NKPD1: variants seen among roughly 807,000 people sequenced by gnomAD.
NKPD1 encodes the protein NTPase KAP family P-loop domain containing 1.
A neutral mutation model predicts 42.2 loss-of-function variants in NKPD1; 37 were observed. The observed-to-expected ratio is 0.88, with a 90% CI of 0.67 to 1.15. The LOEUF (loss-of-function observed/expected upper bound fraction) is 1.15. NKPD1 is among the 50% of genes most tolerant of loss of function. The pLI, the probability that NKPD1 is intolerant of heterozygous loss-of-function variation, is 0.00. For synonymous variants in NKPD1, 552 were observed against 536.5 expected, an observed-to-expected ratio of 1.03 and a Z score of -0.40; for missense variants, 1,113 against 1,174.6, an observed-to-expected ratio of 0.95 and a Z score of 0.77.
At position 45,155,861 on chromosome 19, in the gene NKPD1, G is replaced by A. The variant is rs1457232495; in HGVS notation, c.585C>T (p.His195=). The change falls in exon 4 of 5, where the codon CAC becomes CAT. Residue 195 remains histidine, a synonymous_variant. Coordinates refer to ENST00000686631, the MANE Select transcript of NKPD1 (RefSeq NM_198478.4). ...YCSCLAKTLC[H]VPVPVTVGFY... is the part of the protein sequence containing the mutation. ...AACCCACGGTCACAGGGACCGGCAC[G>A]TGGCAGAGTGTCTTGGCCAGGCAGC... 5 of 1,305,258 alleles carry A rather than the reference G, an allele frequency of 3.8e-6. No homozygotes were observed. Among genetic ancestry groups the A allele is most frequent in the Admixed American group, 4.6e-5 (2 of 43,558 alleles). The allele number at this position is 1,305,258 out of a possible 1,614,324, so 80.9% of individuals were successfully genotyped here. A position where few individuals can be genotyped will look rare whatever the true frequency, so the allele number is the denominator to read the frequency against.
chr19:45,152,307 GT>G lies in NKPD1; in HGVS notation c.2129del (p.Asn710ThrfsTer166). ...CGGGGTCGCCGTCCAGGTCGAGCAC[GT>G]TCTGCAACGCCTTGGTCATGGTGTG... ...ELHTMTKALQ[N>X]VLDLDGDPEL... On this transcript the variant is annotated frameshift_variant, in exon 5 of 5. Coordinates refer to ENST00000686631, the MANE Select transcript of NKPD1 (RefSeq NM_198478.4). LOFTEE classifies it low-confidence loss of function (END_TRUNC). 1 of 1,610,866 alleles carries G rather than the reference GT, an allele frequency of 6.2e-7. No homozygotes were observed. Among genetic ancestry groups the G allele is most frequent in the Non-Finnish European group, 8.5e-7 (1 of 1,178,974 alleles).
At position 45,152,716 on chromosome 19, in the gene NKPD1, AGCAGCTGCGCGCTCTCGCCCCCG is replaced by A; in HGVS notation, c.1698_1720del (p.Glu569AlafsTer278). ...CGTCCCCGCCTGCGCCTGCACCGCC[AGCAGCTGCGCGCTCTCGCCCCCG>A]GCGTCCCCCGGCAGCCACGGCTTGC... On this transcript the variant is annotated frameshift_variant, in exon 5 of 5. Transcript: ENST00000686631. LOFTEE classifies it low-confidence loss of function (END_TRUNC). 3 of 1,568,562 alleles carry A rather than the reference AGCAGCTGCGCGCTCTCGCCCCCG, an allele frequency of 1.9e-6. No homozygotes were observed. Among genetic ancestry groups the A allele is most frequent in the Non-Finnish European group, 2.6e-6 (3 of 1,161,828 alleles).
Position 45,152,033 on chromosome 19 carries a change from C to A in NKPD1, c.2404G>T (p.Gly802Cys). Residue 802 changes from glycine to cysteine, a missense_variant, in exon 5 of 5, where the codon GGC becomes TGC. Coordinates refer to ENST00000686631, the MANE Select transcript of NKPD1 (RefSeq NM_198478.4). ...TGGGCCAAGTCCCCAGTGTGGTGGC[C>A]TTCGCCGGCTTGCCCTGAGGCACGG... is the stretch of plus-strand genomic sequence containing the variant. ...SGRASGQAGE[G>C]HHTGDLAHRG... The A allele has an allele frequency of 6.2e-7, 1 of 1,609,760 alleles. No homozygotes were observed. Among genetic ancestry groups the A allele is most frequent in the Non-Finnish European group, 8.5e-7 (1 of 1,178,554 alleles).
Position 45,158,701 on chromosome 19 carries a change from G to A in NKPD1, c.491C>T (p.Ala164Val). The change falls in exon 3 of 5, where the codon GCC becomes GTC. Residue 164 changes from alanine (A) to valine (V), a missense_variant. Physicochemically the swap from Ala to Val is moderately conservative, Grantham distance 64. This residue lies in a region of NKPD1 where 204 missense variants were observed against 227.8 expected (regional missense o/e 0.90). Coordinates refer to ENST00000686631, the MANE Select transcript of NKPD1 (RefSeq NM_198478.4). This position sits in a 1 kb window ranked among gnomAD's most constrained non-coding sequence, Gnocchi z 4.6. ...AGTGAAGGAGCCACAGGCCGCTGGGGCGGGCAGGGGCCGGGCATCAGTGGG... is the reference window on the plus strand; with the variant it reads ...AGTGAAGGAGCCACAGGCCGCTGGGACGGGCAGGGGCCGGGCATCAGTGGG... ...SEPTDARPLP[A>V]PAACGSFTAY... 8.4e-7 allele frequency: 1 copy of A among 1,191,460 alleles called. No individual in the cohort carries two copies. Among genetic ancestry groups the A allele is most frequent in the Non-Finnish European group, 1.1e-6 (1 of 939,544 alleles). The allele number at this position is 1,191,460 out of a possible 1,614,324, so 73.8% of individuals were successfully genotyped here.
Position 45,155,827 on chromosome 19 carries a change from G to A in NKPD1, c.619C>T (p.Pro207Ser), listed in dbSNP as rs754089529. 1.7e-5 allele frequency: 22 copies of A among 1,305,284 alleles called. No homozygotes were observed. The highest frequency in any genetic ancestry group is 2.1e-4 in the Middle Eastern group (1 of 4,718). The allele number at this position is 1,305,284 out of a possible 1,614,324, so 80.9% of individuals were successfully genotyped here. ...PVPVTVGFYAPFGCRLHMMLD... is the reference protein window; with the variant it reads ...PVPVTVGFYASFGCRLHMMLD... ...ATCATGTGCAGGCGGCAGCCGAAAG[G>A]GGCATAGAAACCCACGGTCACAGGG... The change falls in exon 4 of 5, where the codon CCT becomes TCT. Residue 207 changes from proline (P) to serine (S), a missense_variant. Transcript: ENST00000686631.
At position 45,152,510 on chromosome 19, in the gene NKPD1, CCTGCTGCTG is replaced by C. The variant is rs200529734; in HGVS notation, c.1918_1926del (p.Gln640_Gln642del). On this transcript the variant is annotated inframe_deletion, in exon 5 of 5. Transcript: ENST00000686631. ...CGCGGCGTGGGGCCCCCAAAGTCCC[CCTGCTGCTG>C]CTGCTGCTGCAGCAGGCGCACGGTG... 11 of 1,568,274 alleles carry C rather than the reference CCTGCTGCTG, an allele frequency of 7.0e-6. No homozygotes were observed. The highest frequency in any genetic ancestry group is 9.4e-6 in the Non-Finnish European group (11 of 1,166,300).
intron 2 of NKPD1, among the ~76,000 whole-genome samples, chr19:45,159,808 G>A (rs941188346): frequency 1.3e-5 from 2 of 152,220 alleles, no homozygotes; most frequent in Non-Finnish European, 2.9e-5. Context: ...CAGGCCTCAG[G>A]GTTTGGAAAC....
intron 4 of NKPD1, among the ~76,000 whole-genome samples, chr19:45,154,480 G>A (rs1415424921): frequency 2.0e-5 from 3 of 152,228 alleles, no homozygotes; most frequent in Non-Finnish European, 4.4e-5. Flanking sequence ...CAGAGTGAAT[G>A]AGCGGGAGTG....
Position 45,152,848 on chromosome 19 carries a change from G to C in NKPD1, c.1589C>G (p.Pro530Arg). The C allele has an allele frequency of 6.3e-7, 1 of 1,592,900 alleles. No homozygotes were observed. The highest frequency in any genetic ancestry group is 8.6e-7 in the Non-Finnish European group (1 of 1,166,910). The change falls in exon 5 of 5, where the codon CCC (proline) becomes CGC (arginine). Residue 530 changes from proline to arginine, a missense_variant. Physicochemically the swap from Pro to Arg is moderately radical, Grantham distance 103. Around this residue, in one of 3 missense-constraint regions of NKPD1, gnomAD observed 867 missense variants for 870.1 expected, o/e 1.00. Transcript: ENST00000686631. ...NRTVTLPFSV[P>R]IMGRRTKLQF... ...CAGCTTGGTGCGGCGGCCCATAATG[G>C]GCACAGAGAAGGGCAGCGTGACAGT...
intron 2 of NKPD1, among the ~76,000 whole-genome samples, 164 bp downstream of exon 2, chr19:45,159,896 C>A (rs971145311): frequency 2.9e-4 from 44 of 152,224 alleles, no homozygotes; most frequent in African/African-American, 1.0e-3. Context: ...GCCCTGTGGT[C>A]CGGGTCCTGG....
rs1968955634 is a variant in NKPD1, at chr19:45,158,929, G to A, written c.263C>T (p.Ser88Phe). 1 of 1,299,692 alleles carries A rather than the reference G, an allele frequency of 7.7e-7. No individual in the cohort carries two copies. Among genetic ancestry groups the A allele is most frequent in the Non-Finnish European group, 1.0e-6 (1 of 987,368 alleles). The allele number at this position is 1,299,692 out of a possible 1,614,324, so 80.5% of individuals were successfully genotyped here. ...CAGGGGGCTGGGAGGTGAGGGCTGG[G>A]ACTGGGGCTGCCGCTGCTGCTGCAG... The part of the protein sequence containing the change: ...SVLQQQRQPQ[S>F]QPSPPSPLRQ... Residue 88 changes from serine (S) to phenylalanine (F), a missense_variant, in exon 3 of 5, where the codon TCC (serine) becomes TTC (phenylalanine). Transcript: ENST00000686631. The surrounding 1 kb of genome is among the most constrained non-coding windows in gnomAD (Gnocchi z 4.6).
chr19:45,152,691 C>A lies in NKPD1; in HGVS notation c.1746G>T (p.Thr582=), dbSNP rs1168213841. 2.0e-6 allele frequency: 3 copies of A among 1,537,584 alleles called. No homozygotes were observed. Among genetic ancestry groups the A allele is most frequent in the Non-Finnish European group, 2.6e-6 (3 of 1,146,902 alleles). The change falls in exon 5 of 5, where the codon ACG becomes ACT. Residue 582 remains threonine, a synonymous_variant. Transcript: ENST00000686631. ...CGTCGATGCGGCCCTGCCCGCGCTC[C>A]GTCCCCGCCTGCGCCTGCACCGCCA... ...QLLAVQAQAG[T]ERGQGRIDDE...
At chr19:45,162,155 T>A (rs1336751800), upstream of NKPD1, among the ~76,000 whole-genome samples, 2 of 151,742 alleles carry the variant, frequency 1.3e-5, no homozygotes, top group African/African-American at 4.8e-5. Context: ...AAATGAGCCG[T>A]CTCCGCAGGA....
chr19:45,156,636 G>A (rs1156790763), intron 3 of NKPD1, among the ~76,000 whole-genome samples: 1 of 152,200 alleles, frequency 6.6e-6, no homozygotes, highest in East Asian at 1.9e-4. Context: ...TGGCCATTTA[G>A]GGCCCTGGGG....
chr19:45,156,669 T>A (rs1968908859), intron 3 of NKPD1, among the ~76,000 whole-genome samples: 1 of 152,200 alleles, frequency 6.6e-6, no homozygotes, highest in African/African-American at 2.4e-5. Context: ...CACTACGGCA[T>A]CCACTCTGCA....
At chr19:45,156,056 A>G in intron 3 of NKPD1, 140 bp from the exon 4 acceptor site, 1 of 774,610 alleles carries the variant, frequency 1.3e-6, no homozygotes, top group South Asian at 1.8e-5. Flanking sequence ...CCTGCAGTGG[A>G]GGTTTCTGTG....
chr19:45,160,062 T>C lies in NKPD1; in HGVS notation c.89A>G (p.Lys30Arg). The C allele has an allele frequency of 7.7e-7, 1 of 1,303,534 alleles. No homozygotes were observed. Among genetic ancestry groups the C allele is most frequent in the Non-Finnish European group, 1.0e-6 (1 of 987,794 alleles). The allele number at this position is 1,303,534 out of a possible 1,614,324, so 80.7% of individuals were successfully genotyped here. ...YFWDPELGHR[K>R]GCCHQWRQDS... The stretch of plus-strand genomic sequence containing the variant: ...CCGCCCCCAAACTGAACCCGTACCT[T>C]TTCGGTGCCCCAACTCTGGGTCCCA... Residue 30 changes from lysine (K) to arginine (R), a missense_variant and splice_region_variant, in exon 2 of 5, where the codon AAA becomes AGA. This residue lies in a region of NKPD1 where 204 missense variants were observed against 227.8 expected (regional missense o/e 0.90). Transcript: ENST00000686631.
rs769998673 is a variant in NKPD1, at chr19:45,152,440, C to A, written c.1997G>T (p.Arg666Leu). 1 of 1,559,520 alleles carries A rather than the reference C, an allele frequency of 6.4e-7. No individual in the cohort carries two copies. The highest frequency in any genetic ancestry group is 8.6e-7 in the Non-Finnish European group (1 of 1,156,512). ...WVVLANQWPC[R>L]LSWALQCLED... ...CAGGCACTGCAGCGCCCAGCTCAGG[C>A]GGCACGGCCACTGGTTGGCGAGCAC... The change falls in exon 5 of 5, where the codon CGC (arginine) becomes CTC (leucine). Residue 666 changes from arginine (R) to leucine (L), a missense_variant. Physicochemically the swap from Arg to Leu is moderately radical, Grantham distance 102. Coordinates refer to ENST00000686631, the MANE Select transcript of NKPD1 (RefSeq NM_198478.4).
At chr19:45,157,533 T>C (rs1968925929) in intron 3 of NKPD1, among the ~76,000 whole-genome samples, 1 of 151,976 alleles carries the variant, frequency 6.6e-6, no homozygotes, top group Non-Finnish European at 1.5e-5. Flanking sequence ...TTCTTCAGCC[T>C]CCCATGTGGC....
Sources: gnomAD v4.1 joint callset for allele counts (sites outside exome capture counted in the v4.1 genomes callset) on GRCh38, gnomAD v4.1.1 for gene constraint, gnomAD v4.1.1 regional missense constraint, Gnocchi (gnomAD v3.1) non-coding constraint, MANE v1.5 for transcripts, NCBI Gene and HGNC (gene_info 2026-07-23, HGNC 2026-07-21) for gene names.